Variants in INO80 observed in about 807,000 individuals in gnomAD.
INO80 encodes the protein chromatin-remodeling ATPase INO80.
A neutral mutation model predicts 203.4 loss-of-function variants in INO80; 20 were observed. That is an observed-to-expected ratio of 0.10 (90% CI 0.07 to 0.14). The LOEUF is 0.14. Among genes scored for constraint, INO80 ranks in the 10% least tolerant of loss-of-function variants. The pLI, the probability that INO80 is intolerant of heterozygous loss-of-function variation, is 1.00. For synonymous variants in INO80, 726 were observed against 685.2 expected (o/e 1.06, Z -0.93); for missense variants, 1,419 against 1,914.4 (o/e 0.74, Z 4.83).
At chr15:41,109,632 C>T (rs1029576322) in intron 1 of INO80, among the ~76,000 whole-genome samples, 1 of 151,122 alleles carries the variant, frequency 6.6e-6, no homozygotes, top group Non-Finnish European at 1.5e-5. Flanking sequence ...CCCTATCTTA[C>T]TAAAAATACA....
chr15:41,075,765 A>G (rs1048571742), intron 9 of INO80, among the ~76,000 whole-genome samples: 9 of 151,450 alleles, frequency 5.9e-5, no homozygotes, highest in African/African-American at 1.9e-4. Flanking sequence ...GTATTGTTGT[A>G]TTTTTTTAGT....
Position 41,027,664 on chromosome 15 carries a change from C to G in INO80, c.2980G>C (p.Ala994Pro), listed in dbSNP as rs753451348. ...SDQVVHQRRS[A>P]TSSLRRCLLT... ...AGGCAGCGACGCAGCGAGGAGGTAG[C>G]TGATCTCCGCTGATGGACAACCTGG... The change falls in exon 25 of 36, where the codon GCT becomes CCT. Residue 994 changes from alanine (A) to proline (P), a missense_variant. By Grantham distance (27) the Ala-to-Pro change is conservative (BLOSUM62 -1). Coordinates refer to ENST00000648947, the MANE Select transcript of INO80 (RefSeq NM_017553.3). 1 of 1,613,902 alleles carries G rather than the reference C, an allele frequency of 6.2e-7. No individual in the cohort carries two copies.
At chr15:41,000,357 G>C (rs1289327584) in intron 28 of INO80, among the ~76,000 whole-genome samples, 2 of 152,020 alleles carry the variant, frequency 1.3e-5, no homozygotes, top group African/African-American at 4.8e-5. Context: ...GAAAAGACAA[G>C]GCATTTGAGA....
At chr15:41,110,814 G>A (rs1256587591) in intron 1 of INO80, among the ~76,000 whole-genome samples, 1 of 152,276 alleles carries the variant, frequency 6.6e-6, no homozygotes, top group East Asian at 1.9e-4. Flanking sequence ...AACTTCATTA[G>A]TAATGTTCAA....
chr15:41,086,574 T>C (rs1257374780), intron 6 of INO80, among the ~76,000 whole-genome samples: 4 of 150,054 alleles, frequency 2.7e-5, no homozygotes, highest in African/African-American at 9.8e-5. Flanking sequence ...TTGCGTGAAC[T>C]CAGGAGGTAG....
At chr15:41,052,806 T>C (rs2044902915) in intron 19 of INO80, among the ~76,000 whole-genome samples, 1 of 150,306 alleles carries the variant, frequency 6.7e-6, no homozygotes, top group African/African-American at 2.5e-5. Flanking sequence ...GGGTGAATCC[T>C]TTGAACTCAG....
intron 15 of INO80, among the ~76,000 whole-genome samples, 187 bp downstream of exon 15, chr15:41,059,680 G>C (rs1386999967): frequency 6.6e-6 from 1 of 151,668 alleles, no homozygotes; most frequent in Non-Finnish European, 1.5e-5. Flanking sequence ...AATTAATCCT[G>C]GAAATCAAGT....
intron 1 of INO80, among the ~76,000 whole-genome samples, chr15:41,112,786 CAAAAAAAAA>C (rs893121991): frequency 6.3e-4 from 12 of 19,200 alleles, no homozygotes; most frequent in Non-Finnish European, 9.0e-4. Flanking sequence ...GACTCCATCT[CAAAAAAAAA>C]AAAAAAAAAA....
chr15:41,081,470 A>G (rs2045483919), intron 7 of INO80, among the ~76,000 whole-genome samples: 1 of 152,188 alleles, frequency 6.6e-6, no homozygotes, highest in Non-Finnish European at 1.5e-5. Context: ...TCATTAGGAG[A>G]AAGATAAACT....
intron 5 of INO80, 87 bp downstream of exon 5, chr15:41,091,939 AC>A: frequency 8.4e-7 from 1 of 1,190,210 alleles, no homozygotes. Flanking sequence ...GGTGTGAGCC[AC>A]CACGCCCAGC....
Position 41,042,407 on chromosome 15 carries a change from C to T in INO80, c.2907+2497G>A, listed in dbSNP as rs13380025. Among the ~76,000 whole-genome samples the T allele has an allele frequency of 7.0e-3, 1,072 of 152,260 alleles. 16 individuals carry two copies. The highest frequency in any genetic ancestry group is 0.025 in the African/African-American group (1,032 of 41,544). On this transcript the variant is annotated intron_variant, in intron 24 of 35. Coordinates refer to ENST00000648947, the MANE Select transcript of INO80 (RefSeq NM_017553.3). Reference sequence around the variant, plus strand: ...GCTCAAATGATACTCTCACCTTGGCCTTCCGAAGTGCTAGGATTACAGGCC... The same window carrying T: ...GCTCAAATGATACTCTCACCTTGGCTTTCCGAAGTGCTAGGATTACAGGCC...
At chr15:41,083,940 C>T (rs1417682618) in intron 7 of INO80, among the ~76,000 whole-genome samples, 1 of 152,058 alleles carries the variant, frequency 6.6e-6, no homozygotes, top group African/African-American at 2.4e-5. Flanking sequence ...GGTTTTGTAG[C>T]GTGTTCTAAC....
At chr15:41,061,279 A>G (rs971748046) in intron 14 of INO80, among the ~76,000 whole-genome samples, 142 of 142,442 alleles carry the variant, frequency 1.0e-3, no homozygotes, top group Middle Eastern at 8.9e-3. Flanking sequence ...CAGCCTGGGC[A>G]ACAGAGCAAG....
intron 14 of INO80, among the ~76,000 whole-genome samples, chr15:41,060,378 C>G (rs2045081216): frequency 1.3e-5 from 2 of 152,036 alleles, no homozygotes; most frequent in Non-Finnish European, 2.9e-5. Context: ...CACCTGAGGT[C>G]AGGAGTTGGA....
At chr15:40,983,171 T>C (rs1049054399) in intron 34 of INO80, 94 bp from the exon 35 acceptor site, 7 of 1,017,856 alleles carry the variant, frequency 6.9e-6, no homozygotes, top group Middle Eastern at 2.6e-4. Flanking sequence ...GAAAGCGAGC[T>C]CTTAGGGCAT....
chr15:41,091,745 C>T (rs2045647970), intron 5 of INO80, among the ~76,000 whole-genome samples: 1 of 146,994 alleles, frequency 6.8e-6, no homozygotes, highest in African/African-American at 2.5e-5. Context: ...ACCTCCGCCT[C>T]TGGGTTCGAG....
intron 14 of INO80, among the ~76,000 whole-genome samples, chr15:41,068,824 C>T (rs141107525): frequency 6.6e-4 from 100 of 152,210 alleles, no homozygotes; most frequent in Non-Finnish European, 1.3e-3. Flanking sequence ...TGTGCCACTG[C>T]ACTCTAGCCT....
chr15:41,115,714 G>C (rs112709032), intron 1 of INO80, among the ~76,000 whole-genome samples: 2 of 152,106 alleles, frequency 1.3e-5, no homozygotes, highest in Admixed American at 1.3e-4. Context: ...GGCGCCCCAC[G>C]GGCTTCCTCA....
chr15:41,025,442 C>A (rs1480420631), intron 25 of INO80, among the ~76,000 whole-genome samples: 1 of 151,966 alleles, frequency 6.6e-6, no homozygotes, highest in Non-Finnish European at 1.5e-5. Flanking sequence ...AGGCTGGGCA[C>A]AGTGGCTCAG....
Sources: gnomAD v4.1 joint callset for allele counts (sites outside exome capture counted in the v4.1 genomes callset) on GRCh38, gnomAD v4.1.1 for gene constraint, MANE v1.5 for transcripts, NCBI Gene and HGNC (gene_info 2026-07-23, HGNC 2026-07-21) for gene names.